SGCZ: variants seen among roughly 807,000 people sequenced by gnomAD.
SGCZ encodes sarcoglycan zeta, also known as zeta-sarcoglycan.
In SGCZ, 40 loss-of-function variants were observed where a neutral mutation model predicts 41.3. The observed-to-expected ratio is 0.97, with a 90% confidence interval of 0.75 to 1.26. The LOEUF is 1.26. Ranked by LOEUF, SGCZ falls within the 50% of genes most tolerant of loss-of-function variation. The probability of loss-of-function intolerance (pLI) is 0.00; values close to 1 mark genes in which losing one functional copy is unlikely to be tolerated. For missense variants in SGCZ, 552 were observed against 369.8 expected (o/e 1.49, Z -4.04); for synonymous variants, 206 against 137.5 (o/e 1.50, Z -3.49).
chr8:15,142,326 T>A (rs566545366), intron 1 of SGCZ, among the ~76,000 whole-genome samples: 3 of 152,262 alleles, frequency 2.0e-5, no homozygotes, highest in African/African-American at 7.2e-5. Context: ...TTCAACATAA[T>A]GCTTGAGTAA....
chr8:14,294,910 C>T (rs1800960920), intron 3 of SGCZ, among the ~76,000 whole-genome samples: 1 of 152,044 alleles, frequency 6.6e-6, no homozygotes, highest in African/African-American at 2.4e-5. Context: ...AACAATTCTG[C>T]AAAGGCCAAG....
intron 1 of SGCZ, among the ~76,000 whole-genome samples, chr8:14,946,648 A>C (rs1800456876): frequency 6.6e-6 from 1 of 150,576 alleles, no homozygotes; most frequent in African/African-American, 2.4e-5. Context: ...TTCATACTCA[A>C]ACCAGAGAAG....
intron 2 of SGCZ, among the ~76,000 whole-genome samples, chr8:14,444,621 A>G (rs923696592): frequency 1.4e-5 from 2 of 139,404 alleles, no homozygotes; most frequent in Admixed American, 1.6e-4. Flanking sequence ...ATGAGAACAC[A>G]TGGACACAGG....
intron 1 of SGCZ, among the ~76,000 whole-genome samples, chr8:14,619,293 A>C (rs1225353256): frequency 6.6e-6 from 1 of 152,152 alleles, no homozygotes; most frequent in African/African-American, 2.4e-5. Context: ...TGTATCTCAA[A>C]ATAATAAGAG....
In SGCZ at chr8:14,602,106, C is replaced by T. The variant is rs143605807; in HGVS notation, c.40-47180G>A. On this transcript the variant is annotated intron_variant, in intron 1 of 7. Coordinates refer to ENST00000382080, the MANE Select transcript of SGCZ (RefSeq NM_139167.4). The stretch of plus-strand genomic sequence containing the variant: ...CTGCACTCCAGCCTGGGCGACAGAG[C>T]GAGTCTCCGTCTGAAAAAAATAAAA... 7.5e-3 allele frequency among the ~76,000 whole-genome samples: 1,138 copies of T among 151,316 alleles called. 4 individuals carry two copies. Among genetic ancestry groups the T allele is most frequent in the South Asian group, 0.015 (72 of 4,758 alleles).
intron 2 of SGCZ, among the ~76,000 whole-genome samples, chr8:14,506,594 GA>G (rs1475109634): frequency 6.6e-6 from 1 of 151,670 alleles, no homozygotes; most frequent in East Asian, 1.9e-4. Context: ...CAAAAACCTT[GA>G]CAAAATTTTC....
chr8:14,128,648 T>TAAGA (rs1378691055), intron 5 of SGCZ, among the ~76,000 whole-genome samples: 2 of 152,116 alleles, frequency 1.3e-5, no homozygotes, highest in Non-Finnish European at 2.9e-5. Context: ...GGAATCAACC[T>TAAGA]AAGTGTCCAT....
Position 14,554,943 on chromosome 8 carries a change from A to G in SGCZ, c.40-17T>C. On this transcript the variant is annotated splice_polypyrimidine_tract_variant and intron_variant, in intron 1 of 7. Transcript: ENST00000382080. Reference sequence around the variant, plus strand: ...TCGTGTCATCTGAAAAAGAAAAAAGAAAGAAAGAGAAAGAAGGAAAAAAAA... The same window carrying G: ...TCGTGTCATCTGAAAAAGAAAAAAGGAAGAAAGAGAAAGAAGGAAAAAAAA... 1 of 1,524,254 alleles carries G rather than the reference A, an allele frequency of 6.6e-7. No individual in the cohort carries two copies. Among genetic ancestry groups the G allele is most frequent in the Non-Finnish European group, 8.8e-7 (1 of 1,134,484 alleles). 94.4% of individuals were successfully genotyped at this position (1,524,254 alleles called of 1,614,324 possible).
chr8:14,239,845 T>C (rs1798799707), intron 3 of SGCZ, among the ~76,000 whole-genome samples: 3 of 118,720 alleles, frequency 2.5e-5, no homozygotes, highest in African/African-American at 1.0e-4. Context: ...GAGCTTGCAG[T>C]GAGCCGAGAT....
At chr8:14,719,841 A>G (rs1809821948) in intron 1 of SGCZ, among the ~76,000 whole-genome samples, 1 of 151,976 alleles carries the variant, frequency 6.6e-6, no homozygotes, top group Non-Finnish European at 1.5e-5. Context: ...TTTGCTGTGC[A>G]GAAGCTCTTG....
At position 14,204,583 on chromosome 8, in the gene SGCZ, T is replaced by C. The variant is rs191747149; in HGVS notation, c.424+33009A>G. Reference sequence around the variant, plus strand: ...GTAAAGCATTATTTCTGGGTGTGTCTGTTAGGGTGTTTCAGAGGAGATTGT... The same window carrying C: ...GTAAAGCATTATTTCTGGGTGTGTCCGTTAGGGTGTTTCAGAGGAGATTGT... On this transcript the variant is annotated intron_variant, in intron 4 of 7. Coordinates refer to ENST00000382080, the MANE Select transcript of SGCZ (RefSeq NM_139167.4). 3.6e-3 allele frequency among the ~76,000 whole-genome samples: 549 copies of C among 152,290 alleles called. 5 individuals are homozygous for C. The highest frequency in any genetic ancestry group is 0.021 in the South Asian group (102 of 4,828).
intron 1 of SGCZ, among the ~76,000 whole-genome samples, chr8:14,920,101 G>C (rs1799547836): frequency 6.6e-6 from 1 of 152,036 alleles, no homozygotes; most frequent in Admixed American, 6.6e-5. Flanking sequence ...ATTTATCTGG[G>C]CTGCTTTGGG....
chr8:14,940,414 C>T (rs748439214), intron 1 of SGCZ, among the ~76,000 whole-genome samples: 3 of 152,106 alleles, frequency 2.0e-5, no homozygotes, highest in African/African-American at 7.2e-5. Flanking sequence ...TGATTAGATG[C>T]TATATTTACA....
intron 2 of SGCZ, among the ~76,000 whole-genome samples, chr8:14,344,600 G>C (rs1476597075): frequency 6.6e-6 from 1 of 151,998 alleles, no homozygotes; most frequent in African/African-American, 2.4e-5. Flanking sequence ...AAGGGAAAAG[G>C]GGGGAACGAA....
At chr8:14,121,891 T>A (rs978534950) in intron 5 of SGCZ, among the ~76,000 whole-genome samples, 4 of 152,224 alleles carry the variant, frequency 2.6e-5, no homozygotes, top group Admixed American at 2.0e-4. Flanking sequence ...AATTTTTTAT[T>A]ATGTCATATA....
At chr8:14,288,117 T>C (rs1044332452) in intron 3 of SGCZ, among the ~76,000 whole-genome samples, 5 of 152,124 alleles carry the variant, frequency 3.3e-5, no homozygotes, top group Admixed American at 6.6e-5. Context: ...GAATTGAAGA[T>C]GCAAGATCTC....
At position 15,012,674 on chromosome 8, in the gene SGCZ, T is replaced by C. The variant is rs974120424; in HGVS notation, c.39+224911A>G. Among the ~76,000 whole-genome samples the C allele has an allele frequency of 4.3e-5, 5 of 115,372 alleles. No individual in the cohort carries two copies. The East Asian group carries it at 1.0e-3, about 24-fold the overall frequency. The allele number at this position is 115,372 out of a possible 152,430, so 75.7% of individuals were successfully genotyped here. A position where few individuals can be genotyped will look rare whatever the true frequency, so the allele number is the denominator to read the frequency against. ...TATAATATATAATATATATTTATTATATATTTATAATATAAATATAAATAT... is the reference window on the plus strand; with the variant it reads ...TATAATATATAATATATATTTATTACATATTTATAATATAAATATAAATAT... On this transcript the variant is annotated intron_variant, in intron 1 of 7. Coordinates refer to ENST00000382080, the MANE Select transcript of SGCZ (RefSeq NM_139167.4).
chr8:15,161,172 A>G (rs777780160), intron 1 of SGCZ, among the ~76,000 whole-genome samples: 13 of 151,370 alleles, frequency 8.6e-5, no homozygotes, highest in Non-Finnish European at 1.8e-4. Context: ...ACCCCATTGA[A>G]CTCTCTTCTG....
At chr8:14,459,065 A>G (rs76156361) in intron 2 of SGCZ, among the ~76,000 whole-genome samples, 4,550 of 152,272 alleles carry the variant, frequency 0.03, 178 homozygotes, top group African/African-American at 0.084. Flanking sequence ...ATAACTCATA[A>G]ATGTCCATTA....
Sources: gnomAD v4.1 joint callset for allele counts (sites outside exome capture counted in the v4.1 genomes callset) on GRCh38, gnomAD v4.1.1 for gene constraint, MANE v1.5 for transcripts, NCBI Gene and HGNC (gene_info 2026-07-23, HGNC 2026-07-21) for gene names.